Variants in PRKCE observed in about 807,000 individuals in gnomAD.
The protein encoded by PRKCE is protein kinase C epsilon type.
A neutral mutation model predicts 85.4 loss-of-function variants in PRKCE; 16 were observed. The ratio of observed to expected loss-of-function variants is 0.19; its 90% CI spans 0.13 to 0.28. The LOEUF (loss-of-function observed/expected upper bound fraction) is 0.28. Ranked by LOEUF, PRKCE falls within the 10% of genes least tolerant of loss-of-function variation. The pLI, the probability that PRKCE is intolerant of heterozygous loss-of-function variation, is 1.00. For missense variants in PRKCE, 573 were observed against 975.2 expected, an observed-to-expected ratio of 0.59 and a Z score of 5.49; for synonymous variants, 388 against 371.5, an observed-to-expected ratio of 1.04 and a Z score of -0.51.
At chr2:45,812,247 T>C (rs897785482) in intron 1 of PRKCE, among the ~76,000 whole-genome samples, 3 of 152,162 alleles carry the variant, frequency 2.0e-5, no homozygotes, top group Non-Finnish European at 4.4e-5. Flanking sequence ...TTGTGAAAAA[T>C]GTAAAGCATC....
chr2:46,179,425 G>T (rs1312532332), intron 14 of PRKCE, among the ~76,000 whole-genome samples: 1 of 152,140 alleles, frequency 6.6e-6, no homozygotes, highest in Non-Finnish European at 1.5e-5. Context: ...GGCAGGCCCA[G>T]TCTCTGAGAG....
In PRKCE at chr2:45,869,273, G is replaced by A. The variant is rs565627627; in HGVS notation, c.412+26210G>A. 2.6e-5 allele frequency among the ~76,000 whole-genome samples: 4 copies of A among 152,282 alleles called. No homozygotes were observed. In the South Asian group the frequency reaches 8.3e-4, roughly 32 times the overall value. Reference sequence around the variant, plus strand: ...AGAATGCAGCTTGTACTAAATGTTAGCCACTATTGTTATTATCCTTATGAC... The same window carrying A: ...AGAATGCAGCTTGTACTAAATGTTAACCACTATTGTTATTATCCTTATGAC... On this transcript the variant is annotated intron_variant, in intron 2 of 14. Coordinates refer to ENST00000306156, the MANE Select transcript of PRKCE (RefSeq NM_005400.3).
intron 2 of PRKCE, among the ~76,000 whole-genome samples, chr2:45,906,254 A>C (rs1387953741): frequency 6.6e-6 from 1 of 152,228 alleles, no homozygotes. Flanking sequence ...TGCTGAGTCC[A>C]GGAGGCTGCA....
In PRKCE at chr2:46,175,753, T is replaced by G. The variant is rs920184933; in HGVS notation, c.2068-8982T>G. ...TGATTTTATAAATACCAATATAAAATAGACCAAGAAGTCATGAAGCTGAGA... is the reference window on the plus strand; with the variant it reads ...TGATTTTATAAATACCAATATAAAAGAGACCAAGAAGTCATGAAGCTGAGA... On this transcript the variant is annotated intron_variant, in intron 14 of 14. Coordinates refer to ENST00000306156, the MANE Select transcript of PRKCE (RefSeq NM_005400.3). Among the ~76,000 whole-genome samples, 5 of 152,196 alleles carry G rather than the reference T, an allele frequency of 3.3e-5. No homozygotes were observed. In the South Asian group the frequency reaches 1.0e-3, roughly 32 times the overall value.
intron 10 of PRKCE, among the ~76,000 whole-genome samples, chr2:46,060,432 G>C (rs1387520225): frequency 6.6e-6 from 1 of 152,134 alleles, no homozygotes; most frequent in African/African-American, 2.4e-5. Context: ...AAGCAGTGAG[G>C]GTTAAGTGAG....
chr2:45,814,086 A>G (rs7574819), intron 1 of PRKCE, among the ~76,000 whole-genome samples: 119,616 of 152,006 alleles, frequency 0.79, 47,387 homozygotes, highest in African/African-American at 0.9. Context: ...GCTGAGAAAA[A>G]GAGGGATTTG....
intron 1 of PRKCE, among the ~76,000 whole-genome samples, chr2:45,678,353 T>C (rs1441856468): frequency 1.3e-5 from 2 of 152,234 alleles, no homozygotes; most frequent in African/African-American, 4.8e-5. Flanking sequence ...CTGGTTGTGA[T>C]ATATAATTTT....
At chr2:45,672,819 G>A (rs1676239675) in intron 1 of PRKCE, among the ~76,000 whole-genome samples, 1 of 152,128 alleles carries the variant, frequency 6.6e-6, no homozygotes, top group African/African-American at 2.4e-5. Context: ...TGAGCCAGGA[G>A]TTTGAGACCA....
At chr2:45,761,790 C>T (rs1041843740) in intron 1 of PRKCE, among the ~76,000 whole-genome samples, 18 of 152,160 alleles carry the variant, frequency 1.2e-4, no homozygotes, top group Non-Finnish European at 2.1e-4. Context: ...ACTGAGCCCT[C>T]GCTGCCATAT....
chr2:45,689,586 A>G (rs1677567062), intron 1 of PRKCE, among the ~76,000 whole-genome samples: 2 of 151,618 alleles, frequency 1.3e-5, no homozygotes, highest in Admixed American at 1.3e-4. Flanking sequence ...ATAGCAAAGC[A>G]TTCAAACAGT....
chr2:45,792,239 G>A (rs1257454432), intron 1 of PRKCE, among the ~76,000 whole-genome samples: 1 of 152,130 alleles, frequency 6.6e-6, no homozygotes, highest in Non-Finnish European at 1.5e-5. Flanking sequence ...CTCACCAGAA[G>A]TAATCCAGTC....
rs967630559 is a variant in PRKCE at position 45,907,064 on chromosome 2, G to A, written c.412+64001G>A. Reference sequence around the variant, plus strand: ...GTTGCTCCAAAATTAGGCGTCGGAGGTCTAAGTGGTATAGACGGAAGGAAG... The same window carrying A: ...GTTGCTCCAAAATTAGGCGTCGGAGATCTAAGTGGTATAGACGGAAGGAAG... On this transcript the variant is annotated intron_variant, in intron 2 of 14. Coordinates refer to ENST00000306156, the MANE Select transcript of PRKCE (RefSeq NM_005400.3). This position sits in a 1 kb window ranked among gnomAD's most constrained non-coding sequence, Gnocchi z 4.5. Among the ~76,000 whole-genome samples, 1 of 149,768 alleles carries A rather than the reference G, an allele frequency of 6.7e-6. No homozygotes were observed. Among genetic ancestry groups the A allele is most frequent in the Non-Finnish European group, 1.5e-5 (1 of 67,704 alleles).
chr2:45,744,525 TTTTTCTTTCC>T lies in PRKCE; in HGVS notation c.348+92080_348+92089del, dbSNP rs1205725416. ...TTTTCTTTCTTTCTTTCTTTCTTTC[TTTTTCTTTCC>T]TTCTTTCTTTCTTTCTTCCTTCCTT... On this transcript the variant is annotated intron_variant, in intron 1 of 14. Transcript: ENST00000306156. Among the ~76,000 whole-genome samples, 125 of 37,164 alleles carry T rather than the reference TTTTTCTTTCC, an allele frequency of 3.4e-3. 1 individual carries two copies. The highest frequency in any genetic ancestry group is 0.014 in the African/African-American group (114 of 8,192). The allele number at this position is 37,164 out of a possible 152,430, so 24.4% of individuals were successfully genotyped here.
chr2:45,803,032 C>T (rs892498980), intron 1 of PRKCE, among the ~76,000 whole-genome samples: 2 of 152,104 alleles, frequency 1.3e-5, no homozygotes, highest in Non-Finnish European at 2.9e-5. Context: ...GGTATAGACA[C>T]GTATTTTTTT....
At chr2:45,671,767 TA>T (rs201891199) in intron 1 of PRKCE, among the ~76,000 whole-genome samples, 67 of 149,566 alleles carry the variant, frequency 4.5e-4, no homozygotes, top group African/African-American at 1.5e-3. Context: ...TTGATCAAAG[TA>T]AAAAAAAAAT....
chr2:46,149,818 T>C (rs1676436047), intron 12 of PRKCE, among the ~76,000 whole-genome samples: 1 of 151,436 alleles, frequency 6.6e-6, no homozygotes, highest in Non-Finnish European at 1.5e-5. Flanking sequence ...GACATATGTG[T>C]ATGGAGAGCA....
At chr2:45,860,290 G>A (rs1228332321) in intron 2 of PRKCE, among the ~76,000 whole-genome samples, 4 of 152,162 alleles carry the variant, frequency 2.6e-5, no homozygotes, top group African/African-American at 7.2e-5. Flanking sequence ...TGTGTTTAGG[G>A]GTTGCTCCTT....
intron 2 of PRKCE, among the ~76,000 whole-genome samples, chr2:45,899,310 G>A (rs1157016069): frequency 1.3e-5 from 2 of 152,042 alleles, no homozygotes; most frequent in African/African-American, 4.8e-5. Context: ...CAAAGATAAA[G>A]CCAGGCCATT....
intron 14 of PRKCE, among the ~76,000 whole-genome samples, chr2:46,169,103 G>T (rs1291385960): frequency 2.0e-5 from 3 of 152,116 alleles, no homozygotes; most frequent in South Asian, 2.1e-4. Flanking sequence ...AAGCTGACTG[G>T]GGGGGTGTGT....
Sources: allele counts gnomAD v4.1 joint callset (sites outside exome capture counted in the v4.1 genomes callset), GRCh38; gene constraint gnomAD v4.1.1; non-coding constraint Gnocchi (gnomAD v3.1); transcripts MANE v1.5; gene names NCBI Gene and HGNC (gene_info 2026-07-23, HGNC 2026-07-21).